The following OSBPL11 variants were observed in gnomAD, a reference collection of about 807,000 sequenced individuals.
The protein encoded by OSBPL11 is oxysterol binding protein like 11, also known as oxysterol-binding protein-related protein 11.
In OSBPL11, 33 loss-of-function variants were observed where a neutral mutation model predicts 84.4. The observed-to-expected ratio is 0.39, with a 90% confidence interval of 0.30 to 0.52. OSBPL11 has a LOEUF of 0.52. Ranked by LOEUF, OSBPL11 falls within the 20% of genes least tolerant of loss-of-function variation. The pLI, the probability that OSBPL11 is intolerant of heterozygous loss-of-function variation, is 0.72. For missense variants in OSBPL11, 736 were observed against 901.1 expected (o/e 0.82, Z 2.35); for synonymous variants, 276 against 310.2 (o/e 0.89, Z 1.16).
intron 2 of OSBPL11, among the ~76,000 whole-genome samples, chr3:125,582,394 T>C (rs773583390): frequency 2.6e-5 from 4 of 152,140 alleles, no homozygotes; most frequent in Non-Finnish European, 5.9e-5. Flanking sequence ...CGTTAGCCTG[T>C]TCTATAATAG....
chr3:125,555,330 A>T (rs1235580421), intron 8 of OSBPL11, among the ~76,000 whole-genome samples: 1 of 152,190 alleles, frequency 6.6e-6, no homozygotes, highest in Non-Finnish European at 1.5e-5. Context: ...CAGATGGCCT[A>T]TTATGAGACC....
intron 11 of OSBPL11, among the ~76,000 whole-genome samples, chr3:125,532,803 T>TATTCATCATTACCCCCAACTGGTAA (rs145498747): frequency 7.2e-5 from 11 of 151,864 alleles, no homozygotes; most frequent in African/African-American, 2.4e-4. Flanking sequence ...ACAGCAGTAT[T>TATTCATCATTACCCCCAACTGGTAA]ATGGATAGGC....
intron 11 of OSBPL11, among the ~76,000 whole-genome samples, chr3:125,532,593 CA>C (rs1301920833): frequency 6.1e-5 from 8 of 131,820 alleles, no homozygotes; most frequent in South Asian, 2.5e-4. Flanking sequence ...AAAAAAAAAA[CA>C]AAAAAAAACT....
chr3:125,540,189 C>A (rs934521272), intron 10 of OSBPL11, among the ~76,000 whole-genome samples: 1 of 151,654 alleles, frequency 6.6e-6, no homozygotes, highest in Non-Finnish European at 1.5e-5. Flanking sequence ...ATTAGCTGGG[C>A]GTAGTGGCAC....
intron 5 of OSBPL11, among the ~76,000 whole-genome samples, chr3:125,568,131 T>C (rs928987469): frequency 6.6e-6 from 1 of 152,144 alleles, no homozygotes; most frequent in Non-Finnish European, 1.5e-5. Flanking sequence ...AATTTTTCTT[T>C]GGAAGCAACA....
intron 10 of OSBPL11, among the ~76,000 whole-genome samples, chr3:125,539,544 G>A (rs566589310): frequency 5.3e-5 from 8 of 151,856 alleles, no homozygotes; most frequent in Non-Finnish European, 1.0e-4. Flanking sequence ...TGGGTTAAGT[G>A]ACTCTCCTGC....
intron 4 of OSBPL11, 141 bp downstream of exon 4, chr3:125,578,819 A>G (rs1580060325): frequency 4.6e-6 from 2 of 432,888 alleles, no homozygotes; most frequent in Non-Finnish European, 8.1e-6. Flanking sequence ...TGAATATACT[A>G]AAAACCACAG....
intron 10 of OSBPL11, among the ~76,000 whole-genome samples, chr3:125,546,137 A>G (rs1935809178): frequency 6.6e-6 from 1 of 150,624 alleles, no homozygotes; most frequent in Non-Finnish European, 1.5e-5. Flanking sequence ...AAAAAAAAAA[A>G]AGAATAGGAA....
chr3:125,568,738 T>C (rs1936199776), intron 5 of OSBPL11, among the ~76,000 whole-genome samples: 1 of 152,210 alleles, frequency 6.6e-6, no homozygotes, highest in Non-Finnish European at 1.5e-5. Flanking sequence ...AGGAGCATTG[T>C]CCAGCTTTCC....
At chr3:125,560,811 C>T (rs571298299) in intron 7 of OSBPL11, among the ~76,000 whole-genome samples, 1 of 152,250 alleles carries the variant, frequency 6.6e-6, no homozygotes, top group South Asian at 2.1e-4. Flanking sequence ...AAGAATGTCT[C>T]CTCCAGCCTC....
chr3:125,542,337 T>A (rs1305667902), intron 10 of OSBPL11, among the ~76,000 whole-genome samples: 1 of 90,696 alleles, frequency 1.1e-5, no homozygotes, highest in African/African-American at 4.4e-5. Flanking sequence ...CTTTTCTTTC[T>A]TTTTTTTTTG....
At chr3:125,565,507 T>C (rs1936140402) in intron 6 of OSBPL11, among the ~76,000 whole-genome samples, 1 of 151,880 alleles carries the variant, frequency 6.6e-6, no homozygotes, top group African/African-American at 2.4e-5. Context: ...TGATGTAAAG[T>C]GAAAAAAGAT....
chr3:125,578,207 T>C (rs1936360764), intron 4 of OSBPL11, among the ~76,000 whole-genome samples: 2 of 152,004 alleles, frequency 1.3e-5, no homozygotes, highest in Non-Finnish European at 2.9e-5. Flanking sequence ...AATAAACGAA[T>C]AAAGTACTGA....
At chr3:125,567,291 C>T in intron 6 of OSBPL11, 103 bp downstream of exon 6, 2 of 1,071,592 alleles carry the variant, frequency 1.9e-6, no homozygotes, top group Non-Finnish European at 1.4e-6. Flanking sequence ...TTTTCTTCTC[C>T]TTTTTTTAAG....
Position 125,595,070 on chromosome 3 carries a change from T to C in OSBPL11, c.-270A>G, listed in dbSNP as rs1441102753. ...CGGCAAAAGCAAGGAGGAAAAAGCA[T>C]CCGGCGAGAAGACTTAAGTGACATA... On this transcript the variant is annotated 5_prime_UTR_variant, in exon 1 of 13. It removes an upstream start codon present in the reference 5' UTR. Coordinates refer to ENST00000296220, the MANE Select transcript of OSBPL11 (RefSeq NM_022776.5). The C allele has an allele frequency of 1.4e-5, 5 of 369,282 alleles. No homozygotes were observed. Among genetic ancestry groups the C allele is most frequent in the African/African-American group, 1.0e-4 (5 of 49,044 alleles). 22.9% of individuals were successfully genotyped at this position (369,282 alleles called of 1,614,324 possible). A position where few individuals can be genotyped will look rare whatever the true frequency, so the allele number is the denominator to read the frequency against.
At chr3:125,588,221 C>CAAAAAA (rs35794012) in intron 1 of OSBPL11, among the ~76,000 whole-genome samples, 1 of 51,646 alleles carries the variant, frequency 1.9e-5, no homozygotes, top group Non-Finnish European at 3.9e-5. Flanking sequence ...GACCCTGTCT[C>CAAAAAA]AAAAAAAAAA....
chr3:125,539,396 C>T (rs1935693906), intron 10 of OSBPL11, among the ~76,000 whole-genome samples: 1 of 144,198 alleles, frequency 6.9e-6, no homozygotes, highest in Non-Finnish European at 1.5e-5. Flanking sequence ...TGATGCAGCA[C>T]AAATATATCA....
In OSBPL11 at chr3:125,568,179, C is replaced by T. The variant is rs181998009; in HGVS notation, c.667-584G>A. ...CCTGGCACTTTTTATTAAGAGTAAT[C>T]GCAGCACTTTGGGAGGCCGAGGCAG... On this transcript the variant is annotated intron_variant, in intron 5 of 12. Coordinates refer to ENST00000296220, the MANE Select transcript of OSBPL11 (RefSeq NM_022776.5). Among the ~76,000 whole-genome samples the T allele has an allele frequency of 2.0e-3, 308 of 152,138 alleles. 1 individual carries two copies. The highest frequency in any genetic ancestry group is 6.8e-3 in the South Asian group (33 of 4,826).
chr3:125,570,233 A>C (rs1157426163), intron 5 of OSBPL11, among the ~76,000 whole-genome samples: 2 of 151,886 alleles, frequency 1.3e-5, no homozygotes, highest in Admixed American at 6.6e-5. Context: ...AATTAAAAAA[A>C]ATATAATTGT....
Sources: allele counts gnomAD v4.1 joint callset (sites outside exome capture counted in the v4.1 genomes callset), GRCh38; gene constraint gnomAD v4.1.1; transcripts MANE v1.5; gene names NCBI Gene and HGNC (gene_info 2026-07-23, HGNC 2026-07-21).